CEP112: variants seen among roughly 807,000 people sequenced by gnomAD.
The protein encoded by CEP112 is centrosomal protein of 112 kDa.
In CEP112, 127 loss-of-function variants were observed where a neutral mutation model predicts 153.0. That is an observed-to-expected ratio of 0.83 (90% CI 0.72 to 0.96). The LOEUF (loss-of-function observed/expected upper bound fraction) is 0.96. Ranked by LOEUF, CEP112 falls within the 40% of genes least tolerant of loss-of-function variation. The pLI, the probability that CEP112 is intolerant of heterozygous loss-of-function variation, is 0.00. For missense variants in CEP112, 1,089 were observed against 1,101.2 expected (o/e 0.99, Z 0.16); for synonymous variants, 358 against 374.4 (o/e 0.96, Z 0.51).
intron 21 of CEP112, among the ~76,000 whole-genome samples, chr17:65,798,245 T>C (rs1555660228): frequency 6.7e-6 from 1 of 150,292 alleles, no homozygotes; most frequent in Non-Finnish European, 1.5e-5. Flanking sequence ...TATTTAGTCA[T>C]AAAAAAAACA....
chr17:65,902,525 G>T (rs769140840), intron 19 of CEP112, among the ~76,000 whole-genome samples, 191 bp from the exon 20 acceptor site: 18 of 152,014 alleles, frequency 1.2e-4, no homozygotes, highest in African/African-American at 3.1e-4. Flanking sequence ...ATTCAAAATA[G>T]TTGGGCATAT....
At chr17:66,007,054 T>C (rs147536243) in intron 16 of CEP112, among the ~76,000 whole-genome samples, 60 of 152,366 alleles carry the variant, frequency 3.9e-4, no homozygotes, top group African/African-American at 1.4e-3. Flanking sequence ...CCTCTTCTTT[T>C]AAAAATTCTT....
rs566864349 is a variant in CEP112, at chr17:65,897,062, G to A, written c.2163+5090C>T. Reference sequence around the variant, plus strand: ...CAAATAACTCAGTCCATCAGGGGATGAGTAGCACAGCTTGGTGTGTACACA... The same window carrying A: ...CAAATAACTCAGTCCATCAGGGGATAAGTAGCACAGCTTGGTGTGTACACA... On this transcript the variant is annotated intron_variant, in intron 20 of 26. Coordinates refer to ENST00000535342, the MANE Select transcript of CEP112 (RefSeq NM_001199165.4). Among the ~76,000 whole-genome samples the A allele has an allele frequency of 7.2e-5, 11 of 152,224 alleles. No homozygotes were observed. The South Asian group carries it at 2.1e-3, about 29-fold the overall frequency.
chr17:65,976,341 G>T (rs2063032857), intron 17 of CEP112, among the ~76,000 whole-genome samples: 1 of 152,160 alleles, frequency 6.6e-6, no homozygotes, highest in African/African-American at 2.4e-5. Context: ...GGAAGAGCAT[G>T]TTATTTATTG....
intron 19 of CEP112, chr17:65,903,424 GAA>G (rs1252478274): frequency 3.9e-5 from 6 of 152,140 alleles, no homozygotes; most frequent in Non-Finnish European, 8.8e-5. Flanking sequence ...CTAAATTTCA[GAA>G]GTTTTCTTTT....
At chr17:65,671,363 G>T (rs547344205) in intron 24 of CEP112, among the ~76,000 whole-genome samples, 2 of 152,310 alleles carry the variant, frequency 1.3e-5, no homozygotes, top group African/African-American at 4.8e-5. Flanking sequence ...CTTGCACTGT[G>T]TCTACGGGAG....
rs529025836 is a variant in CEP112, at chr17:65,640,154, A to AT, written c.2799+809dup. ...CACCCGACCATATATATATATATAT[A>AT]TTTTTTTTTTTTTTTTTTTGAGACA... is the stretch of plus-strand genomic sequence containing the variant. On this transcript the variant is annotated intron_variant, in intron 25 of 26. Transcript: ENST00000535342. Among the ~76,000 whole-genome samples the AT allele has an allele frequency of 7.3e-4, 57 of 78,320 alleles. 1 individual carries two copies. Among genetic ancestry groups the AT allele is most frequent in the South Asian group, 3.2e-3 (8 of 2,534 alleles). 51.4% of individuals were successfully genotyped at this position (78,320 alleles called of 152,430 possible).
intron 18 of CEP112, among the ~76,000 whole-genome samples, chr17:65,951,195 T>C (rs945377355): frequency 6.6e-6 from 1 of 152,190 alleles, no homozygotes; most frequent in Admixed American, 6.5e-5. Flanking sequence ...ATCCATAGTT[T>C]ACTAGTGAAA....
At chr17:66,051,267 CCTT>C (rs908549294) in intron 12 of CEP112, among the ~76,000 whole-genome samples, 3 of 151,526 alleles carry the variant, frequency 2.0e-5, no homozygotes, top group East Asian at 1.9e-4. Flanking sequence ...TAAACTGAGT[CCTT>C]CTTTTTCGTT....
chr17:66,011,166 T>G (rs12939745), intron 16 of CEP112, among the ~76,000 whole-genome samples: 62,434 of 151,958 alleles, frequency 0.41, 14,292 homozygotes, highest in East Asian at 0.87. Flanking sequence ...GGGATTCAGT[T>G]ACTTCCTGGT....
intron 16 of CEP112, among the ~76,000 whole-genome samples, chr17:66,026,268 A>G (rs2065206188): frequency 6.6e-6 from 1 of 152,186 alleles, no homozygotes; most frequent in South Asian, 2.1e-4. Flanking sequence ...TGTACCCGTT[A>G]CATTCACACA....
At chr17:65,992,956 G>A (rs190696128) in intron 17 of CEP112, among the ~76,000 whole-genome samples, 4 of 151,928 alleles carry the variant, frequency 2.6e-5, no homozygotes, top group Admixed American at 6.5e-5. Flanking sequence ...TTTTAAGTTC[G>A]AGGGTACATG....
chr17:65,817,195 T>A (rs1257465532), intron 21 of CEP112, among the ~76,000 whole-genome samples: 1 of 151,952 alleles, frequency 6.6e-6, no homozygotes. Context: ...TAAGGGCTAT[T>A]TTTAAAACCC....
intron 6 of CEP112, among the ~76,000 whole-genome samples, chr17:66,100,257 G>A (rs1335260806): frequency 6.6e-6 from 1 of 151,470 alleles, no homozygotes; most frequent in African/African-American, 2.4e-5. Flanking sequence ...AAAATTAGAT[G>A]GGCGTGGTGG....
intron 20 of CEP112, among the ~76,000 whole-genome samples, chr17:65,895,588 T>A (rs919466544): frequency 5.3e-5 from 8 of 152,108 alleles, no homozygotes; most frequent in African/African-American, 1.9e-4. Context: ...GATTCCTATA[T>A]AATCCTGTTC....
chr17:65,821,540 ATTTTTTTT>A (rs869059954), intron 21 of CEP112, among the ~76,000 whole-genome samples: 2 of 33,630 alleles, frequency 5.9e-5, no homozygotes, highest in Non-Finnish European at 9.4e-5. Flanking sequence ...ATATATATAT[ATTTTTTTT>A]TTTTTTTTTT....
At chr17:65,763,411 T>C (rs1438220033) in intron 21 of CEP112, among the ~76,000 whole-genome samples, 1 of 151,852 alleles carries the variant, frequency 6.6e-6, no homozygotes, top group Non-Finnish European at 1.5e-5. Flanking sequence ...TTCTGTTCCT[T>C]TCTCTCTTTC....
chr17:65,756,397 C>T (rs1017391593), intron 21 of CEP112, among the ~76,000 whole-genome samples: 9 of 119,464 alleles, frequency 7.5e-5, no homozygotes, highest in Non-Finnish European at 9.9e-5. Context: ...TGCAGCAAGA[C>T]TCCGTCTCAA....
chr17:66,140,657 A>G (rs1287522776), intron 4 of CEP112, among the ~76,000 whole-genome samples: 1 of 151,972 alleles, frequency 6.6e-6, no homozygotes, highest in Non-Finnish European at 1.5e-5. Flanking sequence ...GAGCAGTCCC[A>G]TTTACTGTTA....
Sources: gnomAD v4.1 joint callset for allele counts (sites outside exome capture counted in the v4.1 genomes callset) on GRCh38, gnomAD v4.1.1 for gene constraint, MANE v1.5 for transcripts, NCBI Gene and HGNC (gene_info 2026-07-23, HGNC 2026-07-21) for gene names.